Variants in TEP1 observed in about 807,000 individuals in gnomAD.
TEP1 encodes telomerase associated protein 1.
In TEP1, 241 loss-of-function variants were observed where a neutral mutation model predicts 306.3. That is an observed-to-expected ratio of 0.79 (90% CI 0.71 to 0.88). The LOEUF (loss-of-function observed/expected upper bound fraction) is 0.88. Ranked by LOEUF, TEP1 falls within the 40% of genes least tolerant of loss-of-function variation. TEP1 has a pLI of 0.00. For synonymous variants in TEP1, 1,289 were observed against 1,305.5 expected, an observed-to-expected ratio of 0.99 and a Z score of 0.27; for missense variants, 3,051 against 3,276.1, an observed-to-expected ratio of 0.93 and a Z score of 1.68.
Position 20,391,030 on chromosome 14 carries a change from C to T in TEP1, c.2164G>A (p.Val722Met), listed in dbSNP as rs756750789. Residue 722 changes from valine (V) to methionine (M), a missense_variant, in exon 14 of 55, where the codon GTG (valine) becomes ATG (methionine). This residue lies in a region of TEP1 where 1,507 missense variants were observed against 1,550.5 expected (regional missense o/e 0.97). Coordinates refer to ENST00000262715, the MANE Select transcript of TEP1 (RefSeq NM_007110.5). The part of the protein sequence containing the change: ...MITRAEQVDV[V>M]LCGGDTLKTA... ...TTCAGAGTGTCACCTCCACACAGCA[C>T]GACGTCCACCTGCTCCGCCCTCGTG... 12 of 1,613,988 alleles carry T rather than the reference C, an allele frequency of 7.4e-6. No individual in the cohort carries two copies. Among genetic ancestry groups the T allele is most frequent in the East Asian group, 4.5e-5 (2 of 44,894 alleles).
At chr14:20,372,696 G>T (rs201109558) in intron 49 of TEP1, 37 bp downstream of exon 49, 2 of 1,613,520 alleles carry the variant, frequency 1.2e-6, no homozygotes, top group East Asian at 4.5e-5. Context: ...TGAGGAGACT[G>T]CTGTTTCTAT....
chr14:20,372,360 A>ATATGTGTGTGTGTGTGTG (rs1056775553), intron 49 of TEP1, among the ~76,000 whole-genome samples: 1 of 138,152 alleles, frequency 7.2e-6, no homozygotes, highest in African/African-American at 2.7e-5. Flanking sequence ...AGCCCCAGGA[A>ATATGTGTGTGTGTGTGTG]TATGTGTGTG....
In TEP1 at chr14:20,369,510, CCTT is replaced by C. The variant is rs771645662; in HGVS notation, c.7487_7489del (p.Glu2496del). 2 of 1,614,148 alleles carry C rather than the reference CCTT, an allele frequency of 1.2e-6. No individual in the cohort carries two copies. The highest frequency in any genetic ancestry group is 1.1e-5 in the South Asian group (1 of 91,084). On this transcript the variant is annotated inframe_deletion, in exon 53 of 55. Transcript: ENST00000262715. ...CCACATGTTACCTGTGGTCCATTCT[CCTT>C]CTGGGCTGCATTTGGCCAGGTTCCA...
Position 20,382,218 on chromosome 14 carries a change from A to C in TEP1, c.4273+6T>G, listed in dbSNP as rs1427345315. On this transcript the variant is annotated splice_donor_region_variant and intron_variant, in intron 29 of 54. Transcript: ENST00000262715. Reference sequence around the variant, plus strand: ...GCCTCCCAACCAACCCACCCCAAGCACTGACCACTCCGTGTGACTTCTAGG... The same window carrying C: ...GCCTCCCAACCAACCCACCCCAAGCCCTGACCACTCCGTGTGACTTCTAGG... 1.2e-5 allele frequency: 20 copies of C among 1,613,758 alleles called. No homozygotes were observed. The highest frequency in any genetic ancestry group is 1.7e-5 in the Non-Finnish European group (20 of 1,179,982).
intron 2 of TEP1, 85 bp from the exon 3 acceptor site, chr14:20,406,485 C>A (rs1024793199): frequency 6.4e-6 from 9 of 1,415,566 alleles, no homozygotes; most frequent in Non-Finnish European, 8.8e-6. Flanking sequence ...CACCAGGCCA[C>A]GGGAAAAGTC....
intron 9 of TEP1, among the ~76,000 whole-genome samples, chr14:20,400,497 CAAAAAAAAAAAAA>C (rs71108598): frequency 3.0e-4 from 26 of 85,480 alleles, no homozygotes; most frequent in East Asian, 1.9e-3. Context: ...AAAAGTAGAC[CAAAAAAAAAAAAA>C]AAAAAAAAAA....
chr14:20,378,651 T>C, intron 37 of TEP1, 103 bp downstream of exon 37: 1 of 1,579,022 alleles, frequency 6.3e-7, no homozygotes, highest in South Asian at 1.1e-5. Context: ...GAAGGCCTTC[T>C]CTGGCCAGGG....
chr14:20,389,863 G>A (rs765483843), intron 15 of TEP1, 123 bp from the exon 16 acceptor site: 5 of 1,297,760 alleles, frequency 3.9e-6, no homozygotes, highest in Non-Finnish European at 5.2e-6. Context: ...TCTCCTGAGA[G>A]CACATAGAAT....
At position 20,377,508 on chromosome 14, in the gene TEP1, G is replaced by T. The variant is rs1240161879; in HGVS notation, c.5876-16C>A. Reference sequence around the variant, plus strand: ...CCCTGGGAACCTAGAGAATGAGAGAGAACAAGGGAGTAAGACACTTGGGAA... The same window carrying T: ...CCCTGGGAACCTAGAGAATGAGAGATAACAAGGGAGTAAGACACTTGGGAA... On this transcript the variant is annotated splice_polypyrimidine_tract_variant and intron_variant, in intron 40 of 54. Coordinates refer to ENST00000262715, the MANE Select transcript of TEP1 (RefSeq NM_007110.5). 1 of 1,612,856 alleles carries T rather than the reference G, an allele frequency of 6.2e-7. No individual in the cohort carries two copies. The highest frequency in any genetic ancestry group is 2.2e-5 in the East Asian group (1 of 44,850).
In TEP1 at chr14:20,381,870, A is replaced by G. The variant is rs1053491571; in HGVS notation, c.4424+43T>C. The stretch of plus-strand genomic sequence containing the variant: ...AGAGGGCCCCGGCTCAAAGAAGGGA[A>G]GGCACAGAGAGGTCAGCGGGAGCTC... On this transcript the variant is annotated intron_variant, in intron 30 of 54. Transcript: ENST00000262715. This position sits in a 1 kb window ranked among gnomAD's most constrained non-coding sequence, Gnocchi z 4.0. 3.0e-5 allele frequency: 48 copies of G among 1,604,692 alleles called. No individual in the cohort carries two copies. Among genetic ancestry groups the G allele is most frequent in the Non-Finnish European group, 4.0e-5 (47 of 1,175,604 alleles).
chr14:20,404,655 C>A lies in TEP1; in HGVS notation c.988G>T (p.Val330Phe), dbSNP rs1879028474. 1.9e-6 allele frequency: 3 copies of A among 1,614,098 alleles called. No homozygotes were observed. The highest frequency in any genetic ancestry group is 2.5e-6 in the Non-Finnish European group (3 of 1,179,990). Reference sequence around the variant, plus strand: ...TGGATCCAGTCAGAAGGCAGCTGGACAATGGCACAGAAATATCGTCGCAGG... The same window carrying A: ...TGGATCCAGTCAGAAGGCAGCTGGAAAATGGCACAGAAATATCGTCGCAGG... ...PHLRRYFCAI[V>F]QLPSDWIQVA... Residue 330 changes from valine to phenylalanine, a missense_variant, in exon 5 of 55, where the codon GTC becomes TTC. By Grantham distance (50) the Val-to-Phe change is conservative (BLOSUM62 -1). Transcript: ENST00000262715.
intron 21 of TEP1, 85 bp downstream of exon 21, chr14:20,384,900 T>A: frequency 2.5e-6 from 4 of 1,594,866 alleles, no homozygotes. Flanking sequence ...GCACTCCCCT[T>A]CTATACTCTG....
chr14:20,372,802 A>C lies in TEP1; in HGVS notation c.7007T>G (p.Leu2336Arg). 1 of 1,614,154 alleles carries C rather than the reference A, an allele frequency of 6.2e-7. No homozygotes were observed. The highest frequency in any genetic ancestry group is 8.5e-7 in the Non-Finnish European group (1 of 1,180,032). The change falls in exon 49 of 55, where the codon CTC (leucine) becomes CGC (arginine). Residue 2336 changes from leucine to arginine, a missense_variant. Leu to Arg is a moderately radical substitution (Grantham distance 102). Around this residue, in one of 3 missense-constraint regions of TEP1, gnomAD observed 1,540 missense variants for 1,705.9 expected, o/e 0.90. Transcript: ENST00000262715. The stretch of plus-strand genomic sequence containing the variant: ...CTCGCTGATTTTCTCATCAGCACTG[A>C]GGACAAAAAAGGTGTGTGCCGAGGA... ...IWSSAHTFFV[L>R]SADEKISEWQ...
At chr14:20,402,216 G>C (rs1425324039) in intron 7 of TEP1, among the ~76,000 whole-genome samples, 12 of 152,160 alleles carry the variant, frequency 7.9e-5, no homozygotes, top group Admixed American at 7.2e-4. Flanking sequence ...GCTGAGGCAG[G>C]AGAATTGCTT....
intron 41 of TEP1, among the ~76,000 whole-genome samples, chr14:20,376,700 T>C (rs1760907): frequency 0.3 from 46,139 of 152,016 alleles, 7,885 homozygotes; most frequent in African/African-American, 0.46. Flanking sequence ...ACCTATCCCT[T>C]TTCACAGCAA....
rs148173887 is a variant in TEP1 at position 20,373,163 on chromosome 14, C to T, written c.6815-16G>A. 249 of 1,614,076 alleles carry T rather than the reference C, an allele frequency of 1.5e-4. 4 individuals carry two copies. The East Asian group carries it at 4.9e-3, about 31-fold the overall frequency. On this transcript the variant is annotated splice_polypyrimidine_tract_variant and intron_variant, in intron 47 of 54. Coordinates refer to ENST00000262715, the MANE Select transcript of TEP1 (RefSeq NM_007110.5). Reference sequence around the variant, plus strand: ...CATGTGTCATCTGGAGGAGAAAGGACGTGTTTCATTAGGAGCTGGGATACT... The same window carrying T: ...CATGTGTCATCTGGAGGAGAAAGGATGTGTTTCATTAGGAGCTGGGATACT...
rs1885468671 is a variant in TEP1 at position 20,380,487 on chromosome 14, T to A, written c.4763-12A>T. 1 of 1,604,506 alleles carries A rather than the reference T, an allele frequency of 6.2e-7. No homozygotes were observed. ...GGGGACTGAAGAAGCTATAAAAGGGTGGCAGAATGTCACTGGGGAGCCAGC... is the reference window on the plus strand; with the variant it reads ...GGGGACTGAAGAAGCTATAAAAGGGAGGCAGAATGTCACTGGGGAGCCAGC... On this transcript the variant is annotated splice_polypyrimidine_tract_variant and intron_variant, in intron 33 of 54. Transcript: ENST00000262715.
In TEP1 at chr14:20,369,563, C is replaced by T. The variant is rs778453156; in HGVS notation, c.7437G>A (p.Leu2479=). Reference sequence around the variant, plus strand: ...ATAGGATCCCATCAGAGCTGGCACACAAAAATGAGGACTCTGCCATTTTAA... The same window carrying T: ...ATAGGATCCCATCAGAGCTGGCACATAAAAATGAGGACTCTGCCATTTTAA... ...QAKPESESSF[L]CASSDGILWN... The change falls in exon 53 of 55, where the codon TTG becomes TTA. Residue 2479 remains leucine, a synonymous_variant. Coordinates refer to ENST00000262715, the MANE Select transcript of TEP1 (RefSeq NM_007110.5). 7.4e-6 allele frequency: 12 copies of T among 1,614,134 alleles called. No individual in the cohort carries two copies. The highest frequency in any genetic ancestry group is 3.3e-5 in the South Asian group (3 of 91,084).
At chr14:20,409,264 A>AT (rs1267406294) in intron 1 of TEP1, among the ~76,000 whole-genome samples, 4 of 151,962 alleles carry the variant, frequency 2.6e-5, no homozygotes, top group African/African-American at 9.7e-5. Flanking sequence ...TACTGTCCTG[A>AT]TTTTCTTCTT....
Sources: allele counts gnomAD v4.1 joint callset (sites outside exome capture counted in the v4.1 genomes callset), GRCh38; gene constraint gnomAD v4.1.1; regional missense constraint gnomAD v4.1.1; non-coding constraint Gnocchi (gnomAD v3.1); transcripts MANE v1.5; gene names NCBI Gene and HGNC (gene_info 2026-07-23, HGNC 2026-07-21).